PTF1A: variants seen among roughly 807,000 people sequenced by gnomAD.
The protein encoded by PTF1A is pancreas associated transcription factor 1a.
PTF1A carries 18 observed loss-of-function variants against 22.6 expected under a neutral mutation model. That is an observed-to-expected ratio of 0.80 (90% confidence interval 0.55 to 1.18). PTF1A has a LOEUF of 1.18. Among genes scored for constraint, PTF1A ranks in the 50% most tolerant of loss-of-function variants. The pLI is 0.00. For missense variants in PTF1A, 477 were observed against 473.0 expected (o/e 1.01, Z -0.08); for synonymous variants, 259 against 227.9 (o/e 1.14, Z -1.23).
chr10:23,193,412 G>C (rs979924732), intron 1 of PTF1A, 98 bp downstream of exon 1: 100 of 1,220,816 alleles, frequency 8.2e-5, no homozygotes, highest in Non-Finnish European at 1.0e-4. Flanking sequence ...CAGTCGGACC[G>C]ACGGATTGTC....
chr10:23,194,026 A>G lies in PTF1A; in HGVS notation c.*120A>G. The G allele has an allele frequency of 1.3e-6, 1 of 751,374 alleles. No individual in the cohort carries two copies. The highest frequency in any genetic ancestry group is 2.4e-6 in the Non-Finnish European group (1 of 421,172). The allele number at this position is 751,374 out of a possible 1,614,324, so 46.5% of individuals were successfully genotyped here. On this transcript the variant is annotated 3_prime_UTR_variant, in exon 2 of 2. Transcript: ENST00000376504. ...TTCGAATGGCAATCAACTGTTTATT[A>G]TTTATCTATTTATTATCCTGTTGAG...
In PTF1A at chr10:23,194,017, C is replaced by A; in HGVS notation, c.*111C>A. 3.6e-6 allele frequency: 3 copies of A among 824,360 alleles called. No homozygotes were observed. The highest frequency in any genetic ancestry group is 1.9e-5 in the Admixed American group (1 of 51,832). 51.1% of individuals were successfully genotyped at this position (824,360 alleles called of 1,614,324 possible). A position where few individuals can be genotyped will look rare whatever the true frequency, so the allele number is the denominator to read the frequency against. ...ATCAAATTTTTCGAATGGCAATCAA[C>A]TGTTTATTATTTATCTATTTATTAT... On this transcript the variant is annotated 3_prime_UTR_variant, in exon 2 of 2. Coordinates refer to ENST00000376504, the MANE Select transcript of PTF1A (RefSeq NM_178161.3).
At position 23,192,886 on chromosome 10, in the gene PTF1A, C is replaced by T. The variant is rs974554108; in HGVS notation, c.356C>T (p.Pro119Leu). ...TTCCCCTACTCGCCCGGCTCGCCGC[C>T]CTCGTGCCTGGCCTACCCGTGCGCC... is the stretch of plus-strand genomic sequence containing the variant. The part of the protein sequence containing the change: ...GGFPYSPGSP[P>L]SCLAYPCAGA... The change falls in exon 1 of 2, where the codon CCC (proline) becomes CTC (leucine). Residue 119 changes from proline to leucine, a missense_variant. Transcript: ENST00000376504. The T allele has an allele frequency of 7.6e-7, 1 of 1,312,298 alleles. No homozygotes were observed. Among genetic ancestry groups the T allele is most frequent in the Non-Finnish European group, 9.7e-7 (1 of 1,027,550 alleles). 81.3% of individuals were successfully genotyped at this position (1,312,298 alleles called of 1,614,324 possible). A position where few individuals can be genotyped will look rare whatever the true frequency, so the allele number is the denominator to read the frequency against.
At chr10:23,193,466 T>G (rs964027509) in intron 1 of PTF1A, 152 bp downstream of exon 1, 30 of 706,550 alleles carry the variant, frequency 4.2e-5, no homozygotes, top group Non-Finnish European at 5.1e-5. Context: ...GTTTCTCGTT[T>G]TTTTTTTTTT....
rs769782380 is a variant in PTF1A, at chr10:23,192,781, C to A, written c.251C>A (p.Pro84Gln). 7.4e-7 allele frequency: 1 copy of A among 1,347,802 alleles called. No individual in the cohort carries two copies. The highest frequency in any genetic ancestry group is 1.5e-5 in the African/African-American group (1 of 66,204). 83.5% of individuals were successfully genotyped at this position (1,347,802 alleles called of 1,614,324 possible). Residue 84 changes from proline to glutamine, a missense_variant, in exon 1 of 2, where the codon CCG (proline) becomes CAG (glutamine). Physicochemically the swap from Pro to Gln is moderately conservative, Grantham distance 76. Transcript: ENST00000376504. The stretch of plus-strand genomic sequence containing the variant: ...GCCGCCCCGCTAGCGCTCGCCCCGC[C>A]GTCCTCGGGGGGCCTCGGTGAGCCA... Reference protein sequence around the residue: ...PPAAPLALAPPSSGGLGEPDD... With the variant: ...PPAAPLALAPQSSGGLGEPDD...
Position 23,193,782 on chromosome 10 carries a change from A to T in PTF1A, c.863A>T (p.Gln288Leu). Residue 288 changes from glutamine (Q) to leucine (L), a missense_variant, in exon 2 of 2, where the codon CAA (glutamine) becomes CTA (leucine). Physicochemically the swap from Gln to Leu is moderately radical, Grantham distance 113. Transcript: ENST00000376504. ...GHSLSWTDEK[Q>L]LKEQNIIRTA... The stretch of plus-strand genomic sequence containing the variant: ...TCTCTCTCATGGACTGATGAAAAAC[A>T]ACTCAAGGAACAAAATATTATCCGA... The T allele has an allele frequency of 6.2e-7, 1 of 1,613,954 alleles. No individual in the cohort carries two copies. The highest frequency in any genetic ancestry group is 8.5e-7 in the Non-Finnish European group (1 of 1,179,862).
rs921869120 is a variant in PTF1A at position 23,193,258 on chromosome 10, G to T, written c.728G>T (p.Gly243Val). 1.1e-5 allele frequency: 14 copies of T among 1,245,684 alleles called. No homozygotes were observed. In the African/African-American group the frequency reaches 2.2e-4, roughly 20 times the overall value. 77.2% of individuals were successfully genotyped at this position (1,245,684 alleles called of 1,614,324 possible). Residue 243 changes from glycine to valine, a missense_variant, in exon 1 of 2, where the codon GGC (glycine) becomes GTC (valine). Coordinates refer to ENST00000376504, the MANE Select transcript of PTF1A (RefSeq NM_178161.3). Reference protein sequence around the residue: ...CGGPGGGGRLGGDSPGSQAQK... With the variant: ...CGGPGGGGRLVGDSPGSQAQK... ...GGGCCGGGCGGCGGCGGGCGCCTGG[G>T]CGGGGACAGCCCGGGCAGCCAGGCC...
chr10:23,193,349 G>T, intron 1 of PTF1A, 35 bp downstream of exon 1: 1 of 1,413,880 alleles, frequency 7.1e-7, no homozygotes, highest in South Asian at 1.9e-5. Context: ...AGGGAGAAGG[G>T]GTCGGGCACT....
chr10:23,192,734 G>T lies in PTF1A; in HGVS notation c.204G>T (p.Leu68=). 1 of 1,498,912 alleles carries T rather than the reference G, an allele frequency of 6.7e-7. No individual in the cohort carries two copies. Among genetic ancestry groups the T allele is most frequent in the Non-Finnish European group, 8.9e-7 (1 of 1,127,516 alleles). 92.9% of individuals were successfully genotyped at this position (1,498,912 alleles called of 1,614,324 possible). A position where few individuals can be genotyped will look rare whatever the true frequency, so the allele number is the denominator to read the frequency against. Residue 68 remains leucine (L), a synonymous_variant, in exon 1 of 2, where the codon CTG becomes CTT. Coordinates refer to ENST00000376504, the MANE Select transcript of PTF1A (RefSeq NM_178161.3). ...HEYCYRDGAC[L]LLQPAPPAAP... ...ACTGCTACCGCGACGGGGCGTGCCT[G>T]CTGCTGCAGCCCGCGCCCCCGGCCG...
In PTF1A at chr10:23,192,708, T is replaced by C. The variant is rs1840907026; in HGVS notation, c.178T>C (p.Tyr60His). ...GTTCCTTAGCCACCAGCTCCACGAG[T>C]ACTGCTACCGCGACGGGGCGTGCCT... ...VEFLSHQLHE[Y>H]CYRDGACLLL... Residue 60 changes from tyrosine to histidine, a missense_variant, in exon 1 of 2, where the codon TAC (tyrosine) becomes CAC (histidine). Physicochemically the swap from Tyr to His is moderately conservative, Grantham distance 83 (BLOSUM62 2). Transcript: ENST00000376504. 6.4e-7 allele frequency: 1 copy of C among 1,573,358 alleles called. No homozygotes were observed. Among genetic ancestry groups the C allele is most frequent in the African/African-American group, 1.4e-5 (1 of 71,812 alleles).
chr10:23,193,532 C>T, intron 1 of PTF1A, 172 bp from the exon 2 acceptor site: 1 of 736,932 alleles, frequency 1.4e-6, no homozygotes, highest in Admixed American at 2.2e-5. Flanking sequence ...CCCCGCCAGA[C>T]TTGCAGCTCC....
Position 23,192,748 on chromosome 10 carries a change from CG to C in PTF1A, c.219del (p.Pro75ArgfsTer5). 7.0e-7 allele frequency: 1 copy of C among 1,430,690 alleles called. No individual in the cohort carries two copies. Among genetic ancestry groups the C allele is most frequent in the South Asian group, 1.5e-5 (1 of 68,690 alleles). 88.6% of individuals were successfully genotyped at this position (1,430,690 alleles called of 1,614,324 possible). Reference protein sequence around the residue: ...RDGACLLLQPAPPAAPLALAP... With the variant: ...RDGACLLLQPXPPAAPLALAP... Reference sequence around the variant, plus strand: ...GGGGCGTGCCTGCTGCTGCAGCCCGCGCCCCCGGCCGCCCCGCTAGCGCTCG... The same window carrying C: ...GGGGCGTGCCTGCTGCTGCAGCCCGCCCCCCGGCCGCCCCGCTAGCGCTCG... On this transcript the variant is annotated frameshift_variant, in exon 1 of 2. Coordinates refer to ENST00000376504, the MANE Select transcript of PTF1A (RefSeq NM_178161.3). LOFTEE classifies it high-confidence loss of function.
rs756855059 is a variant in PTF1A at position 23,192,557 on chromosome 10, C to A, written c.27C>A (p.Phe9Leu). ...TGGACGCGGTGTTGCTGGAGCACTT[C>A]CCCGGGGGCCTAGACGCCTTTCCTT... MDAVLLEH[F>L]PGGLDAFPSS... The change falls in exon 1 of 2, where the codon TTC becomes TTA. Residue 9 changes from phenylalanine (F) to leucine (L), a missense_variant. Phe to Leu is a conservative substitution (Grantham distance 22, BLOSUM62 0). Coordinates refer to ENST00000376504, the MANE Select transcript of PTF1A (RefSeq NM_178161.3). The A allele has an allele frequency of 1.3e-6, 2 of 1,594,646 alleles. No individual in the cohort carries two copies. Among genetic ancestry groups the A allele is most frequent in the Non-Finnish European group, 1.7e-6 (2 of 1,171,230 alleles).
At position 23,193,284 on chromosome 10, in the gene PTF1A, CAGA is replaced by C. The variant is rs1840918707; in HGVS notation, c.757_759del (p.Lys253del). ...CGGGGACAGCCCGGGCAGCCAGGCC[CAGA>C]AGGTCATCATCTGCCATCGGGGCAC... On this transcript the variant is annotated inframe_deletion, in exon 1 of 2. Coordinates refer to ENST00000376504, the MANE Select transcript of PTF1A (RefSeq NM_178161.3). The C allele has an allele frequency of 7.9e-7, 1 of 1,261,482 alleles. No individual in the cohort carries two copies. Among genetic ancestry groups the C allele is most frequent in the Non-Finnish European group, 9.9e-7 (1 of 1,012,650 alleles). 78.1% of individuals were successfully genotyped at this position (1,261,482 alleles called of 1,614,324 possible). A position where few individuals can be genotyped will look rare whatever the true frequency, so the allele number is the denominator to read the frequency against.
chr10:23,193,536 C>A, intron 1 of PTF1A, 168 bp from the exon 2 acceptor site: 1 of 743,422 alleles, frequency 1.3e-6, no homozygotes, highest in Non-Finnish European at 2.3e-6. Flanking sequence ...GCCAGACTTG[C>A]AGCTCCTCGG....
chr10:23,193,796 A>G lies in PTF1A; in HGVS notation c.877A>G (p.Asn293Asp), dbSNP rs1437735231. 4 of 1,613,798 alleles carry G rather than the reference A, an allele frequency of 2.5e-6. No homozygotes were observed. The Admixed American group carries it at 5.0e-5, about 20-fold the overall frequency. The change falls in exon 2 of 2, where the codon AAT (asparagine) becomes GAT (aspartate). Residue 293 changes from asparagine (N) to aspartate (D), a missense_variant. By Grantham distance (23) the Asn-to-Asp change is conservative. Coordinates refer to ENST00000376504, the MANE Select transcript of PTF1A (RefSeq NM_178161.3). The stretch of plus-strand genomic sequence containing the variant: ...TGATGAAAAACAACTCAAGGAACAA[A>G]ATATTATCCGAACAGCCAAAGTCTG... ...WTDEKQLKEQ[N>D]IIRTAKVWTP...
At chr10:23,193,569 G>A (rs1840925870) in intron 1 of PTF1A, 135 bp from the exon 2 acceptor site, 1 of 852,592 alleles carries the variant, frequency 1.2e-6, no homozygotes, top group Non-Finnish European at 2.0e-6. Flanking sequence ...GGACGGTGGG[G>A]ACTTGAAGTG....
At position 23,194,116 on chromosome 10, in the gene PTF1A, A is replaced by C; in HGVS notation, c.*210A>C. The C allele has an allele frequency of 1.9e-6, 1 of 520,396 alleles. No individual in the cohort carries two copies. Among genetic ancestry groups the C allele is most frequent in the Non-Finnish European group, 3.4e-6 (1 of 295,870 alleles). 32.2% of individuals were successfully genotyped at this position (520,396 alleles called of 1,614,324 possible). ...TATAACTTATCCTGATTTTCTGAAAATATGCAATAGCCTATGATTTTCCTG... is the reference window on the plus strand; with the variant it reads ...TATAACTTATCCTGATTTTCTGAAACTATGCAATAGCCTATGATTTTCCTG... On this transcript the variant is annotated 3_prime_UTR_variant, in exon 2 of 2. Coordinates refer to ENST00000376504, the MANE Select transcript of PTF1A (RefSeq NM_178161.3).
In PTF1A at chr10:23,193,277, C is replaced by A; in HGVS notation, c.747C>A (p.Ser249Arg). 8.0e-7 allele frequency: 1 copy of A among 1,249,406 alleles called. No individual in the cohort carries two copies. The highest frequency in any genetic ancestry group is 3.2e-5 in the East Asian group (1 of 31,382). The allele number at this position is 1,249,406 out of a possible 1,614,324, so 77.4% of individuals were successfully genotyped here. A position where few individuals can be genotyped will look rare whatever the true frequency, so the allele number is the denominator to read the frequency against. Residue 249 changes from serine to arginine, a missense_variant, in exon 1 of 2, where the codon AGC (serine) becomes AGA (arginine). By Grantham distance (110) the Ser-to-Arg change is moderately radical. Coordinates refer to ENST00000376504, the MANE Select transcript of PTF1A (RefSeq NM_178161.3). ...GGRLGGDSPG[S>R]QAQKVIICHR... ...GCCTGGGCGGGGACAGCCCGGGCAG[C>A]CAGGCCCAGAAGGTCATCATCTGCC...
Sources: allele counts gnomAD v4.1 joint callset, GRCh38; gene constraint gnomAD v4.1.1; transcripts MANE v1.5; gene names NCBI Gene and HGNC (gene_info 2026-07-23, HGNC 2026-07-21).